LAMA2: variants seen among roughly 807,000 people sequenced by gnomAD.
LAMA2 encodes the protein laminin subunit alpha-2.
In LAMA2, 269 loss-of-function variants were observed where a neutral mutation model predicts 364.8. That is an observed-to-expected ratio of 0.74 (90% CI 0.67 to 0.82). The LOEUF (loss-of-function observed/expected upper bound fraction) is 0.82. Ranked by LOEUF, LAMA2 falls within the 40% of genes least tolerant of loss-of-function variation. The pLI is 0.00. For synonymous variants in LAMA2, 1,379 were observed against 1,370.6 expected, an observed-to-expected ratio of 1.01 and a Z score of -0.14; for missense variants, 3,807 against 3,873.2, an observed-to-expected ratio of 0.98 and a Z score of 0.45.
At position 129,136,827 on chromosome 6, in the gene LAMA2, T is replaced by C. The variant is rs140586052; in HGVS notation, c.640-7074T>C. Reference sequence around the variant, plus strand: ...AATGGCAATTTAAGTTCAGGGACAATTGGAATCAAGCAGTAATGATTTACA... The same window carrying C: ...AATGGCAATTTAAGTTCAGGGACAACTGGAATCAAGCAGTAATGATTTACA... On this transcript the variant is annotated intron_variant, in intron 4 of 64. Transcript: ENST00000421865. Among the ~76,000 whole-genome samples the C allele has an allele frequency of 3.7e-3, 562 of 152,166 alleles. 5 individuals carry two copies. Among genetic ancestry groups the C allele is most frequent in the African/African-American group, 0.013 (537 of 41,518 alleles).
intron 32 of LAMA2, among the ~76,000 whole-genome samples, chr6:129,362,748 G>A (rs1189302347): frequency 6.6e-6 from 1 of 152,152 alleles, no homozygotes; most frequent in Non-Finnish European, 1.5e-5. Flanking sequence ...GACTGGCGCA[G>A]GGTATAGGGC....
In LAMA2 at chr6:129,316,183, T is replaced by C. The variant is rs1475612649; in HGVS notation, c.4058+12T>C. On this transcript the variant is annotated intron_variant, in intron 27 of 64. Transcript: ENST00000421865. ...ATGCGACAAAGCAGGTAAACTCTAATAGAAAATATTCAAGCTCTTATTTTA... is the reference window on the plus strand; with the variant it reads ...ATGCGACAAAGCAGGTAAACTCTAACAGAAAATATTCAAGCTCTTATTTTA... 10 of 1,590,244 alleles carry C rather than the reference T, an allele frequency of 6.3e-6. No homozygotes were observed. The Admixed American group carries it at 1.0e-4, about 16-fold the overall frequency.
intron 10 of LAMA2, among the ~76,000 whole-genome samples, chr6:129,178,874 T>G (rs1021291507): frequency 1.3e-5 from 2 of 152,006 alleles, no homozygotes; most frequent in African/African-American, 4.8e-5. Context: ...AATATCAAGC[T>G]AAATATAATA....
chr6:129,337,941 AG>A (rs1776047819), intron 29 of LAMA2, among the ~76,000 whole-genome samples: 1 of 152,158 alleles, frequency 6.6e-6, no homozygotes, highest in Non-Finnish European at 1.5e-5. Context: ...ATGTCAAAAA[AG>A]TTTCAAAAAG....
rs192619829 is a variant in LAMA2, at chr6:129,510,057, G to A, written c.8858-2306G>A. Among the ~76,000 whole-genome samples the A allele has an allele frequency of 8.3e-3, 1,262 of 152,054 alleles. 11 individuals are homozygous for A. Among genetic ancestry groups the A allele is most frequent in the Non-Finnish European group, 0.014 (943 of 67,910 alleles). ...TTTATTGTACTTTCCTCTAAGATCT[G>A]GAACACGACAAGGATGCCCACTCTC... On this transcript the variant is annotated intron_variant, in intron 62 of 64. Transcript: ENST00000421865.
chr6:129,464,368 G>A lies in LAMA2; in HGVS notation c.7071G>A (p.Trp2357Ter), dbSNP rs1276312596. The change falls in exon 50 of 65, where the codon TGG becomes TGA. Residue 2357 changes from tryptophan to a stop codon, truncating the protein, a stop_gained. Coordinates refer to ENST00000421865, the MANE Select transcript of LAMA2 (RefSeq NM_000426.4). LOFTEE classifies it high-confidence loss of function. Reference sequence around the variant, plus strand: ...CATTGGTCAGCCGTCCCATTCGCTGGTACCCCAACATCTCCACTGTCATGT... The same window carrying A: ...CATTGGTCAGCCGTCCCATTCGCTGATACCCCAACATCTCCACTGTCATGT... Reference protein sequence around the residue: ...GYALVSRPIRWYPNISTVMFK... With the variant: ...GYALVSRPIR The A allele has an allele frequency of 7.4e-6, 12 of 1,611,544 alleles. No homozygotes were observed. The highest frequency in any genetic ancestry group is 1.7e-5 in the Admixed American group (1 of 59,856).
At chr6:129,126,585 G>A (rs558531306) in intron 4 of LAMA2, among the ~76,000 whole-genome samples, 2 of 152,108 alleles carry the variant, frequency 1.3e-5, no homozygotes, top group East Asian at 3.9e-4. Context: ...TTTAAAATAA[G>A]TGTCTTTCAA....
At chr6:129,452,331 A>G (rs1782719266) in intron 45 of LAMA2, among the ~76,000 whole-genome samples, 1 of 152,206 alleles carries the variant, frequency 6.6e-6, no homozygotes, top group South Asian at 2.1e-4. Context: ...GGTATTATTC[A>G]AAAGAAAAGG....
At chr6:129,329,157 A>G (rs1325188609) in intron 29 of LAMA2, among the ~76,000 whole-genome samples, 1 of 152,140 alleles carries the variant, frequency 6.6e-6, no homozygotes, top group East Asian at 1.9e-4. Context: ...CCCACAGCTC[A>G]TCTTTGTTAA....
chr6:128,977,481 T>C (rs1304900264), intron 1 of LAMA2, among the ~76,000 whole-genome samples: 1 of 152,144 alleles, frequency 6.6e-6, no homozygotes, highest in Non-Finnish European at 1.5e-5. Context: ...CAGGCTGCTC[T>C]CAAACTCCTG....
chr6:128,995,215 A>G (rs992086500), intron 1 of LAMA2, among the ~76,000 whole-genome samples: 2 of 152,190 alleles, frequency 1.3e-5, no homozygotes, highest in Admixed American at 6.5e-5. Flanking sequence ...CTTTTATTTT[A>G]GAATCAGGGA....
At chr6:129,376,158 C>T (rs1041456880) in intron 34 of LAMA2, among the ~76,000 whole-genome samples, 2 of 152,172 alleles carry the variant, frequency 1.3e-5, no homozygotes, top group Admixed American at 1.3e-4. Flanking sequence ...ATCTCTGCTT[C>T]TCTCTCATCT....
chr6:129,397,877 C>A (rs1057246719), intron 37 of LAMA2, among the ~76,000 whole-genome samples: 3 of 144,760 alleles, frequency 2.1e-5, no homozygotes, highest in Non-Finnish European at 4.5e-5. Context: ...GCAGAGCTTG[C>A]AGTGAGCCAA....
intron 1 of LAMA2, among the ~76,000 whole-genome samples, chr6:128,994,158 C>T (rs915129873): frequency 5.9e-5 from 9 of 152,210 alleles, no homozygotes; most frequent in Non-Finnish European, 1.2e-4. Flanking sequence ...GGAATTATTA[C>T]AGACCTGTAG....
At chr6:129,123,119 A>G (rs1440559343) in intron 4 of LAMA2, among the ~76,000 whole-genome samples, 2 of 152,022 alleles carry the variant, frequency 1.3e-5, no homozygotes, top group East Asian at 1.9e-4. Flanking sequence ...CCTGGCCAAC[A>G]TGGTGAAACC....
intron 1 of LAMA2, among the ~76,000 whole-genome samples, chr6:129,025,436 T>G (rs1050911209): frequency 6.6e-6 from 1 of 152,112 alleles, no homozygotes; most frequent in African/African-American, 2.4e-5. Context: ...AAAAAAATAG[T>G]GGCGTGAGAA....
chr6:128,969,971 A>C (rs1782089238), intron 1 of LAMA2, among the ~76,000 whole-genome samples: 1 of 152,154 alleles, frequency 6.6e-6, no homozygotes, highest in African/African-American at 2.4e-5. Context: ...TATAATAGAA[A>C]ACAGAATCTG....
At chr6:129,432,565 A>G (rs1781650313) in intron 41 of LAMA2, among the ~76,000 whole-genome samples, 1 of 152,224 alleles carries the variant, frequency 6.6e-6, no homozygotes, top group South Asian at 2.1e-4. Flanking sequence ...GTTTTTTGCA[A>G]GTAAGTTAAT....
intron 28 of LAMA2, among the ~76,000 whole-genome samples, chr6:129,327,611 G>A (rs1775378178): frequency 6.6e-6 from 1 of 152,152 alleles, no homozygotes; most frequent in African/African-American, 2.4e-5. Flanking sequence ...AGAGATGTTT[G>A]TTGATACATT....
Sources: gnomAD v4.1 joint callset for allele counts (sites outside exome capture counted in the v4.1 genomes callset) on GRCh38, gnomAD v4.1.1 for gene constraint, MANE v1.5 for transcripts, NCBI Gene and HGNC (gene_info 2026-07-23, HGNC 2026-07-21) for gene names.